NEO1: variants seen among roughly 807,000 people sequenced by gnomAD.
NEO1 encodes the protein neogenin.
A neutral mutation model predicts 159.7 loss-of-function variants in NEO1; 63 were observed. That is an observed-to-expected ratio of 0.39 (90% confidence interval 0.32 to 0.49). The LOEUF is 0.49. NEO1 is among the 20% of genes least tolerant of loss of function. NEO1 has a pLI of 0.85. For missense variants in NEO1, 1,615 were observed against 1,831.0 expected, an observed-to-expected ratio of 0.88 and a Z score of 2.15; for synonymous variants, 633 against 662.0, an observed-to-expected ratio of 0.96 and a Z score of 0.67.
intron 7 of NEO1, among the ~76,000 whole-genome samples, chr15:73,180,783 A>C (rs2035561524): frequency 6.6e-6 from 1 of 152,162 alleles, no homozygotes; most frequent in South Asian, 2.1e-4. Flanking sequence ...GAGCTGATGA[A>C]ATTTTTTAGT....
intron 1 of NEO1, among the ~76,000 whole-genome samples, chr15:73,101,718 T>A (rs1260262334): frequency 6.6e-6 from 1 of 152,162 alleles, no homozygotes; most frequent in African/African-American, 2.4e-5. Context: ...CAGTTTTTAG[T>A]TGTCCAAGGC....
chr15:73,198,557 A>G (rs1050562837), intron 7 of NEO1, among the ~76,000 whole-genome samples: 14 of 152,006 alleles, frequency 9.2e-5, no homozygotes, highest in South Asian at 4.1e-4. Flanking sequence ...TTTAAAGAAT[A>G]AAACCGCCAG....
At chr15:73,066,236 A>G (rs1595896475) in intron 1 of NEO1, among the ~76,000 whole-genome samples, 1 of 378 alleles carries the variant, frequency 2.6e-3, no homozygotes, top group Non-Finnish European at 8.2e-3. Flanking sequence ...CGTGTTAGCC[A>G]GGATGGTCTC....
chr15:73,273,023 C>T (rs930121309), intron 19 of NEO1, among the ~76,000 whole-genome samples: 1 of 150,666 alleles, frequency 6.6e-6, no homozygotes, highest in Admixed American at 6.6e-5. Flanking sequence ...CACTGCCCCC[C>T]GAGACCTGCT....
At chr15:73,263,130 CTGTAAA>C (rs1195059339) in intron 15 of NEO1, among the ~76,000 whole-genome samples, 1 of 150,704 alleles carries the variant, frequency 6.6e-6, no homozygotes, top group Non-Finnish European at 1.5e-5. Context: ...TTTGTCAAAA[CTGTAAA>C]TGTACAGTTA....
intron 7 of NEO1, among the ~76,000 whole-genome samples, chr15:73,209,932 G>A (rs1391071759): frequency 6.6e-6 from 1 of 152,150 alleles, no homozygotes; most frequent in African/African-American, 2.4e-5. Flanking sequence ...GAACCCAGGA[G>A]GCGGAGGTTG....
At chr15:73,164,828 C>T (rs1348950029) in intron 5 of NEO1, among the ~76,000 whole-genome samples, 2 of 152,154 alleles carry the variant, frequency 1.3e-5, no homozygotes, top group Admixed American at 1.3e-4. Context: ...TACCATTGAC[C>T]TACTATGCTA....
chr15:73,152,226 ATC>A (rs999046130), intron 5 of NEO1, among the ~76,000 whole-genome samples: 12 of 152,178 alleles, frequency 7.9e-5, no homozygotes, highest in African/African-American at 2.9e-4. Context: ...AGGAAACAGA[ATC>A]TCTCTGATCT....
chr15:73,079,078 CTTT>C, intron 1 of NEO1, among the ~76,000 whole-genome samples: 1 of 152,234 alleles, frequency 6.6e-6, no homozygotes, highest in Admixed American at 6.5e-5. Flanking sequence ...GAAAGAAGCT[CTTT>C]TTTAATTGTT....
At chr15:73,101,449 C>A (rs913784038) in intron 1 of NEO1, among the ~76,000 whole-genome samples, 25 of 152,224 alleles carry the variant, frequency 1.6e-4, no homozygotes, top group African/African-American at 6.0e-4. Context: ...TCTCTCTCTG[C>A]AGCTCTTTTC....
intron 10 of NEO1, 84 bp from the exon 11 acceptor site, chr15:73,249,499 T>C: frequency 5.9e-6 from 8 of 1,360,582 alleles, no homozygotes; most frequent in Non-Finnish European, 6.9e-6. Flanking sequence ...ATGTAGAATA[T>C]AGAATTTGTG....
intron 16 of NEO1, among the ~76,000 whole-genome samples, chr15:73,266,754 T>G (rs1194598215): frequency 6.6e-6 from 1 of 152,160 alleles, no homozygotes; most frequent in Non-Finnish European, 1.5e-5. Context: ...AAACAAAAAA[T>G]GTAGGTTACT....
rs869029902 is a variant in NEO1 at position 73,279,351 on chromosome 15, G to GTTTTTTTTTTTTTTT, written c.3262+1153_3262+1167dup. Among the ~76,000 whole-genome samples, 322 of 119,274 alleles carry GTTTTTTTTTTTTTTT rather than the reference G, an allele frequency of 2.7e-3. 41 individuals carry two copies. The highest frequency in any genetic ancestry group is 3.5e-3 in the East Asian group (15 of 4,310). The allele number at this position is 119,274 out of a possible 152,430, so 78.2% of individuals were successfully genotyped here. A position where few individuals can be genotyped will look rare whatever the true frequency, so the allele number is the denominator to read the frequency against. ...ATGTTTTTTTGTTGTTTTGGTTTTG[G>GTTTTTTTTTTTTTTT]TTTTTTTTTTTTTTTGAGATGGAAT... is the stretch of plus-strand genomic sequence containing the variant. On this transcript the variant is annotated intron_variant, in intron 22 of 28. Coordinates refer to ENST00000261908, the MANE Select transcript of NEO1 (RefSeq NM_002499.4).
intron 13 of NEO1, among the ~76,000 whole-genome samples, chr15:73,257,831 G>C (rs1268707058): frequency 6.6e-6 from 1 of 152,200 alleles, no homozygotes; most frequent in Non-Finnish European, 1.5e-5. Context: ...GTGTTTGCTA[G>C]TAATCCAGAT....
At chr15:73,102,866 C>T (rs2070478374) in intron 1 of NEO1, among the ~76,000 whole-genome samples, 1 of 152,148 alleles carries the variant, frequency 6.6e-6, no homozygotes, top group African/African-American at 2.4e-5. Flanking sequence ...ACATAAGCAC[C>T]TTAAACTCTC....
intron 1 of NEO1, among the ~76,000 whole-genome samples, chr15:73,089,915 C>T (rs2069585858): frequency 6.6e-6 from 1 of 152,004 alleles, no homozygotes. Context: ...TGGGTATAGC[C>T]CTCCTACATA....
chr15:73,211,153 G>A (rs1214981736), intron 7 of NEO1, among the ~76,000 whole-genome samples: 1 of 152,160 alleles, frequency 6.6e-6, no homozygotes, highest in East Asian at 1.9e-4. Flanking sequence ...GGCCATGACC[G>A]AATAACTAGT....
At chr15:73,077,535 G>A (rs994668388) in intron 1 of NEO1, among the ~76,000 whole-genome samples, 4 of 152,192 alleles carry the variant, frequency 2.6e-5, no homozygotes, top group African/African-American at 7.2e-5. Flanking sequence ...GATTTAAGAT[G>A]TAGCTCTTGG....
chr15:73,058,794 C>G (rs2067841620), intron 1 of NEO1, among the ~76,000 whole-genome samples: 1 of 152,188 alleles, frequency 6.6e-6, no homozygotes, highest in African/African-American at 2.4e-5. Flanking sequence ...AAGGTCCCTT[C>G]TGCCTTCCAG....
Sources: allele counts gnomAD v4.1 joint callset (sites outside exome capture counted in the v4.1 genomes callset), GRCh38; gene constraint gnomAD v4.1.1; transcripts MANE v1.5; gene names NCBI Gene and HGNC (gene_info 2026-07-23, HGNC 2026-07-21).